The following AQP4 variants were observed in gnomAD, a reference collection of about 807,000 sequenced individuals.
The protein encoded by AQP4 is aquaporin 4, also known as aquaporin-4.
AQP4 carries 18 observed loss-of-function variants against 27.8 expected under a neutral mutation model. The ratio of observed to expected loss-of-function variants is 0.65; its 90% CI spans 0.45 to 0.96. The LOEUF (loss-of-function observed/expected upper bound fraction) is 0.96. AQP4 is among the 40% of genes least tolerant of loss of function. AQP4 has a pLI of 0.00. For synonymous variants in AQP4, 141 were observed against 142.9 expected (o/e 0.99, Z 0.10); for missense variants, 412 against 408.2 (o/e 1.01, Z -0.08).
Position 26,852,569 on chromosome 18 carries a change from G to A in AQP4, c.*3642C>T, listed in dbSNP as rs2054770101. 2 of 355,428 alleles carry A rather than the reference G, an allele frequency of 5.6e-6. No homozygotes were observed. Among genetic ancestry groups the A allele is most frequent in the Non-Finnish European group, 1.0e-5 (2 of 199,144 alleles). 22.0% of individuals were successfully genotyped at this position (355,428 alleles called of 1,614,324 possible). A position where few individuals can be genotyped will look rare whatever the true frequency, so the allele number is the denominator to read the frequency against. ...ACAATTTTTGATCCTTGAATTAAATGTCTTTCATTTATTTCAGAGAATTAT... is the reference window on the plus strand; with the variant it reads ...ACAATTTTTGATCCTTGAATTAAATATCTTTCATTTATTTCAGAGAATTAT... On this transcript the variant is annotated 3_prime_UTR_variant, in exon 5 of 5. Coordinates refer to ENST00000383168, the MANE Select transcript of AQP4 (RefSeq NM_001650.7).
rs575925359 is a variant in AQP4 at position 26,855,363 on chromosome 18, G to T, written c.*848C>A. 9 of 152,306 alleles carry T rather than the reference G, an allele frequency of 5.9e-5. No homozygotes were observed. In the South Asian group the frequency reaches 1.7e-3, roughly 28 times the overall value. The allele number at this position is 152,306 out of a possible 1,614,324, so 9.4% of individuals were successfully genotyped here. A position where few individuals can be genotyped will look rare whatever the true frequency, so the allele number is the denominator to read the frequency against. On this transcript the variant is annotated 3_prime_UTR_variant, in exon 5 of 5. Transcript: ENST00000383168. ...GTTAAAAGCTTAGATCGTAAAACTGGTGTGGTGCATTTGAGGGTGTGCACT... is the reference window on the plus strand; with the variant it reads ...GTTAAAAGCTTAGATCGTAAAACTGTTGTGGTGCATTTGAGGGTGTGCACT...
chr18:26,861,198 C>T lies in AQP4; in HGVS notation c.545G>A (p.Arg182Gln), dbSNP rs187543361. The change falls in exon 3 of 5, where the codon CGG (arginine) becomes CAG (glutamine). Residue 182 changes from arginine to glutamine, a missense_variant. Physicochemically the swap from Arg to Gln is conservative, Grantham distance 43. Transcript: ENST00000383168. ...FTIFASCDSK[R>Q]TDVTGSIALA... ...AGCTATTGAGCCAGTGACATCAGTC[C>T]GTTTGGAATCACAGCTGGCAAAGAT... 33 of 1,614,032 alleles carry T rather than the reference C, an allele frequency of 2.0e-5. No individual in the cohort carries two copies. Among genetic ancestry groups the T allele is most frequent in the Admixed American group, 8.3e-5 (5 of 60,012 alleles).
intron 1 of AQP4, among the ~76,000 whole-genome samples, chr18:26,863,990 CT>C (rs953369619): frequency 1.2e-4 from 10 of 81,762 alleles, no homozygotes; most frequent in East Asian, 1.0e-3. Flanking sequence ...TAGGATTCCC[CT>C]TTTGGGGGGG....
At chr18:26,862,673 C>A in intron 1 of AQP4, 77 bp from the exon 2 acceptor site, 3 of 1,599,896 alleles carry the variant, frequency 1.9e-6, no homozygotes, top group Non-Finnish European at 2.6e-6. Context: ...ACAAGGCCTG[C>A]CATCTTCGGG....
intron 1 of AQP4, chr18:26,862,887 A>C: frequency 2.1e-6 from 1 of 477,058 alleles, no homozygotes; most frequent in Non-Finnish European, 3.8e-6. Context: ...TATTAAGAAT[A>C]AAATATATTT....
intron 1 of AQP4, 54 bp downstream of exon 1, chr18:26,865,602 GAC>G (rs749380975): frequency 5.1e-5 from 82 of 1,607,496 alleles, no homozygotes; most frequent in Non-Finnish European, 6.8e-5. Flanking sequence ...TAATAAAAGA[GAC>G]AGTTTCATCT....
chr18:26,862,261 C>A lies in AQP4; in HGVS notation c.368G>T (p.Cys123Phe), dbSNP rs2054962133. The A allele has an allele frequency of 6.2e-7, 1 of 1,614,064 alleles. No homozygotes were observed. Among genetic ancestry groups the A allele is most frequent in the Admixed American group, 1.7e-5 (1 of 60,006 alleles). Residue 123 changes from cysteine (C) to phenylalanine (F), a missense_variant, in exon 2 of 5, where the codon TGC becomes TTC. Physicochemically the swap from Cys to Phe is radical, Grantham distance 205. Coordinates refer to ENST00000383168, the MANE Select transcript of AQP4 (RefSeq NM_001650.7). ...TCCTGCTCCAATGATGGCCCCCAGG[C>A]ACTGGGCTGCGATGTAGAAGACAGA... ...AKSVFYIAAQ[C>F]LGAIIGAGIL...
In AQP4 at chr18:26,855,290, C is replaced by T. The variant is rs1475147640; in HGVS notation, c.*921G>A. 1 of 152,064 alleles carries T rather than the reference C, an allele frequency of 6.6e-6. No individual in the cohort carries two copies. Among genetic ancestry groups the T allele is most frequent in the Non-Finnish European group, 1.5e-5 (1 of 68,014 alleles). The allele number at this position is 152,064 out of a possible 1,614,324, so 9.4% of individuals were successfully genotyped here. A position where few individuals can be genotyped will look rare whatever the true frequency, so the allele number is the denominator to read the frequency against. On this transcript the variant is annotated 3_prime_UTR_variant, in exon 5 of 5. Coordinates refer to ENST00000383168, the MANE Select transcript of AQP4 (RefSeq NM_001650.7). Reference sequence around the variant, plus strand: ...GATAACCAAAGTTACAAACAAAATCCCCAGTTTTGCCAATAAATTTTTTAA... The same window carrying T: ...GATAACCAAAGTTACAAACAAAATCTCCAGTTTTGCCAATAAATTTTTTAA...
chr18:26,862,223 C>A lies in AQP4; in HGVS notation c.406G>T (p.Val136Phe), dbSNP rs200102632. The part of the protein sequence containing the change: ...AIIGAGILYL[V>F]TPPSVVGGLG... ...CCTCCCACCACACTGGGAGGTGTGA[C>A]CAGATAGAGGATTCCTGCTCCAATG... Residue 136 changes from valine to phenylalanine, a missense_variant, in exon 2 of 5, where the codon GTC becomes TTC. Val to Phe is a conservative substitution (Grantham distance 50, BLOSUM62 -1). Coordinates refer to ENST00000383168, the MANE Select transcript of AQP4 (RefSeq NM_001650.7). The A allele has an allele frequency of 1.8e-4, 284 of 1,613,990 alleles. No individual in the cohort carries two copies. The highest frequency in any genetic ancestry group is 3.1e-5 in the Non-Finnish European group (37 of 1,180,034).
In AQP4 at chr18:26,855,059, T is replaced by C. The variant is rs2054817423; in HGVS notation, c.*1152A>G. ...TATTCTGCAACCATGTTGTACCTTGTCTGTCATGCATTTTAATTCACTCAA... is the reference window on the plus strand; with the variant it reads ...TATTCTGCAACCATGTTGTACCTTGCCTGTCATGCATTTTAATTCACTCAA... On this transcript the variant is annotated 3_prime_UTR_variant, in exon 5 of 5. Coordinates refer to ENST00000383168, the MANE Select transcript of AQP4 (RefSeq NM_001650.7). 6.6e-6 allele frequency: 1 copy of C among 152,234 alleles called. No homozygotes were observed. Among genetic ancestry groups the C allele is most frequent in the Non-Finnish European group, 1.5e-5 (1 of 68,038 alleles). The allele number at this position is 152,234 out of a possible 1,614,324, so 9.4% of individuals were successfully genotyped here. A position where few individuals can be genotyped will look rare whatever the true frequency, so the allele number is the denominator to read the frequency against.
Position 26,856,276 on chromosome 18 carries a change from C to G in AQP4, c.907G>C (p.Asp303His). The change falls in exon 5 of 5, where the codon GAC (aspartate) becomes CAC (histidine). Residue 303 changes from aspartate (D) to histidine (H), a missense_variant. Coordinates refer to ENST00000383168, the MANE Select transcript of AQP4 (RefSeq NM_001650.7). The stretch of plus-strand genomic sequence containing the variant: ...TTCTTCTCCTCTCCCCGGTCAACGT[C>G]AATCACATGCACCACTCCAGGTTTT... Reference protein sequence around the residue: ...ILKPGVVHVIDVDRGEEKKGK... With the variant: ...ILKPGVVHVIHVDRGEEKKGK... 2 of 1,614,234 alleles carry G rather than the reference C, an allele frequency of 1.2e-6. No individual in the cohort carries two copies. Among genetic ancestry groups the G allele is most frequent in the Non-Finnish European group, 1.7e-6 (2 of 1,180,046 alleles).
At chr18:26,865,399 T>C (rs1323247437) in intron 1 of AQP4, 1 of 586,096 alleles carries the variant, frequency 1.7e-6, no homozygotes, top group African/African-American at 1.9e-5. Flanking sequence ...ATAGCTAGAT[T>C]CACCTCCATA....
Position 26,856,248 on chromosome 18 carries a change from C to T in AQP4, c.935G>A (p.Gly312Glu). 2 of 1,614,134 alleles carry T rather than the reference C, an allele frequency of 1.2e-6. No individual in the cohort carries two copies. ...CAATACCTCTCCAGATTGGTCTTTC[C>T]CCTTCTTCTCCTCTCCCCGGTCAAC... ...IDVDRGEEKK[G>E]KDQSGEVLSS... Residue 312 changes from glycine to glutamate, a missense_variant, in exon 5 of 5, where the codon GGG (glycine) becomes GAG (glutamate). Transcript: ENST00000383168.
At chr18:26,862,680 C>T (rs1464012396) in intron 1 of AQP4, 84 bp from the exon 2 acceptor site, 84 of 1,591,070 alleles carry the variant, frequency 5.3e-5, no homozygotes, top group Admixed American at 2.0e-4. Context: ...CTGCCATCTT[C>T]GGGTACTGTG....
intron 3 of AQP4, 123 bp from the exon 4 acceptor site, chr18:26,860,975 A>G: frequency 1.5e-6 from 2 of 1,362,508 alleles, no homozygotes; most frequent in Non-Finnish European, 2.1e-6. Flanking sequence ...AGCTATATCA[A>G]CATTCTCATT....
At chr18:26,864,374 C>A (rs1026304702) in intron 1 of AQP4, among the ~76,000 whole-genome samples, 2 of 152,016 alleles carry the variant, frequency 1.3e-5, no homozygotes, top group Admixed American at 1.3e-4. Context: ...TGCCCAGGCC[C>A]GGGTGGCAGG....
At chr18:26,861,666 A>G (rs1465496561) in intron 2 of AQP4, among the ~76,000 whole-genome samples, 1 of 152,200 alleles carries the variant, frequency 6.6e-6, no homozygotes, top group Non-Finnish European at 1.5e-5. Context: ...ATTAATTAAT[A>G]TATATTTCAA....
Position 26,861,251 on chromosome 18 carries a change from C to A in AQP4, c.492G>T (p.Leu164Phe). Residue 164 changes from leucine (L) to phenylalanine (F), a missense_variant, in exon 3 of 5, where the codon TTG (leucine) becomes TTT (phenylalanine). Coordinates refer to ENST00000383168, the MANE Select transcript of AQP4 (RefSeq NM_001650.7). Reference sequence around the variant, plus strand: ...TAAACACCAATTGAAATGTGATTATCAACTCAACCAGGAGACCATGACCAG... The same window carrying A: ...TAAACACCAATTGAAATGTGATTATAAACTCAACCAGGAGACCATGACCAG... ...LTAGHGLLVE[L>F]IITFQLVFTI... The A allele has an allele frequency of 6.2e-7, 1 of 1,614,054 alleles. No homozygotes were observed. Among genetic ancestry groups the A allele is most frequent in the Non-Finnish European group, 8.5e-7 (1 of 1,179,914 alleles).
chr18:26,857,484 G>A (rs866172), intron 4 of AQP4, among the ~76,000 whole-genome samples: 3 of 152,018 alleles, frequency 2.0e-5, no homozygotes, highest in Middle Eastern at 3.4e-3. Flanking sequence ...CCGCCACCAC[G>A]CCTGGCTAAT....
Sources: gnomAD v4.1 joint callset for allele counts (sites outside exome capture counted in the v4.1 genomes callset) on GRCh38, gnomAD v4.1.1 for gene constraint, MANE v1.5 for transcripts, NCBI Gene and HGNC (gene_info 2026-07-23, HGNC 2026-07-21) for gene names.